The following TRIP11 variants were observed in gnomAD, a reference collection of about 807,000 sequenced individuals.
The protein encoded by TRIP11 is thyroid hormone receptor interactor 11.
TRIP11 carries 148 observed loss-of-function variants against 223.1 expected under a neutral mutation model. The observed-to-expected ratio is 0.66, with a 90% CI of 0.58 to 0.76. The LOEUF (loss-of-function observed/expected upper bound fraction) is 0.76. Ranked by LOEUF, TRIP11 falls within the 30% of genes least tolerant of loss-of-function variation. TRIP11 has a pLI of 0.00. For missense variants in TRIP11, 2,043 were observed against 2,222.0 expected (o/e 0.92, Z 1.62); for synonymous variants, 762 against 772.6 (o/e 0.99, Z 0.23).
At chr14:91,979,083 C>G (rs1396497133) in intron 16 of TRIP11, among the ~76,000 whole-genome samples, 1 of 151,910 alleles carries the variant, frequency 6.6e-6, no homozygotes, top group African/African-American at 2.4e-5. Context: ...ATAGCAGAAC[C>G]CTGTCTCTAC....
rs148055961 is a variant in TRIP11 at position 92,034,954 on chromosome 14, T to C, written c.140-1701A>G. On this transcript the variant is annotated intron_variant, in intron 1 of 20. Coordinates refer to ENST00000267622, the MANE Select transcript of TRIP11 (RefSeq NM_004239.4). ...TGGCCCTTGGTTTTGTACATTTTCA[T>C]TTAAAAGTAGAGTGAGAGCCCAGCA... Among the ~76,000 whole-genome samples, 4 of 152,082 alleles carry C rather than the reference T, an allele frequency of 2.6e-5. No homozygotes were observed. In the East Asian group the frequency reaches 7.8e-4, roughly 30 times the overall value.
Position 92,039,697 on chromosome 14 carries a change from T to C in TRIP11, c.-12A>G, listed in dbSNP as rs1360425512. On this transcript the variant is annotated 5_prime_UTR_variant, in exon 1 of 21. Coordinates refer to ENST00000267622, the MANE Select transcript of TRIP11 (RefSeq NM_004239.4). Reference sequence around the variant, plus strand: ...AGCCAGGACGACATCGCGGCGAGTTTAGAGAACGACCCGGTCCGCTCGGAA... The same window carrying C: ...AGCCAGGACGACATCGCGGCGAGTTCAGAGAACGACCCGGTCCGCTCGGAA... 2 of 1,610,334 alleles carry C rather than the reference T, an allele frequency of 1.2e-6. No homozygotes were observed. The highest frequency in any genetic ancestry group is 1.7e-6 in the Non-Finnish European group (2 of 1,178,430).
intron 13 of TRIP11, among the ~76,000 whole-genome samples, chr14:91,997,107 A>T (rs145926241): frequency 0.014 from 2,137 of 152,216 alleles, 66 homozygotes; most frequent in Admixed American, 0.071. Context: ...TCAGCTCCCA[A>T]ATATCTCTGG....
Position 91,968,047 on chromosome 14 carries a change from G to C in TRIP11, c.*1626C>G, listed in dbSNP as rs1280010137. Reference sequence around the variant, plus strand: ...GTTACTTCATTTTTCAGAAAAACAAGTTTCACCCATCAACATGGAATTAAG... The same window carrying C: ...GTTACTTCATTTTTCAGAAAAACAACTTTCACCCATCAACATGGAATTAAG... On this transcript the variant is annotated 3_prime_UTR_variant, in exon 21 of 21. Transcript: ENST00000267622. The C allele has an allele frequency of 2.5e-5, 5 of 201,058 alleles. No individual in the cohort carries two copies. The highest frequency in any genetic ancestry group is 9.2e-5 in the African/African-American group (4 of 43,522). The allele number at this position is 201,058 out of a possible 1,614,324, so 12.5% of individuals were successfully genotyped here.
chr14:92,006,555 C>A (rs1005413578), intron 10 of TRIP11, 107 bp from the exon 11 acceptor site: 3 of 1,180,774 alleles, frequency 2.5e-6, no homozygotes, highest in Non-Finnish European at 3.6e-6. Context: ...TCAAATATTT[C>A]TAATCCTTCT....
At chr14:92,025,812 G>A (rs764000285) in intron 2 of TRIP11, among the ~76,000 whole-genome samples, 5 of 151,658 alleles carry the variant, frequency 3.3e-5, no homozygotes, top group South Asian at 2.1e-4. Context: ...CCCGGGAGGC[G>A]GAGGTTGCAG....
Position 92,021,578 on chromosome 14 carries a change from C to T in TRIP11, c.566G>A (p.Gly189Asp). ...NEVSRLESEV[G>D]HWRHIAQTSK... is the part of the protein sequence containing the mutation. ...TACCTGAGCAATATGCCTCCAATGG[C>T]CAACTTCAGACTCAAGTCTTGAAAC... The change falls in exon 4 of 21, where the codon GGC (glycine) becomes GAC (aspartate). Residue 189 changes from glycine to aspartate, a missense_variant. By Grantham distance (94) the Gly-to-Asp change is moderately conservative. Transcript: ENST00000267622. 1 of 1,614,108 alleles carries T rather than the reference C, an allele frequency of 6.2e-7. No individual in the cohort carries two copies. The highest frequency in any genetic ancestry group is 1.3e-5 in the African/African-American group (1 of 75,028).
At chr14:92,024,230 T>A (rs2057150820) in intron 3 of TRIP11, among the ~76,000 whole-genome samples, 1 of 151,920 alleles carries the variant, frequency 6.6e-6, no homozygotes, top group South Asian at 2.1e-4. Flanking sequence ...ATTCAAAAAT[T>A]AGCCAGGCGT....
At chr14:91,992,640 C>G (rs1199731391) in intron 15 of TRIP11, among the ~76,000 whole-genome samples, 1 of 151,818 alleles carries the variant, frequency 6.6e-6, no homozygotes, top group African/African-American at 2.4e-5. Context: ...TCTCCTAGGC[C>G]GGGCATGGTG....
rs1376972619 is a variant in TRIP11 at position 91,978,051 on chromosome 14, G to A, written c.5261-1862C>T. Reference sequence around the variant, plus strand: ...GACGAGAGAGGGAGAGAGAGAAGGGGAGAGAGAGGGCGAAAAGGTGGGGGT... The same window carrying A: ...GACGAGAGAGGGAGAGAGAGAAGGGAAGAGAGAGGGCGAAAAGGTGGGGGT... On this transcript the variant is annotated intron_variant, in intron 16 of 20. Coordinates refer to ENST00000267622, the MANE Select transcript of TRIP11 (RefSeq NM_004239.4). The surrounding 1 kb of genome is among the most constrained non-coding windows in gnomAD (Gnocchi z 4.4). Among the ~76,000 whole-genome samples the A allele has an allele frequency of 1.3e-5, 2 of 152,050 alleles. No homozygotes were observed. The highest frequency in any genetic ancestry group is 4.8e-5 in the African/African-American group (2 of 41,404).
chr14:92,028,724 A>T (rs1299295141), intron 2 of TRIP11, among the ~76,000 whole-genome samples: 1 of 152,178 alleles, frequency 6.6e-6, no homozygotes, highest in Admixed American at 6.5e-5. Context: ...AAAGAAGAAA[A>T]GAGAGTACAA....
intron 7 of TRIP11, among the ~76,000 whole-genome samples, chr14:92,013,737 T>C (rs1330332340): frequency 1.3e-5 from 2 of 152,226 alleles, no homozygotes; most frequent in South Asian, 2.1e-4. Context: ...TTTTAAAACG[T>C]AAGTACAATT....
chr14:92,029,530 A>G (rs1355271928), intron 2 of TRIP11, among the ~76,000 whole-genome samples: 1 of 151,968 alleles, frequency 6.6e-6, no homozygotes, highest in Non-Finnish European at 1.5e-5. Flanking sequence ...TCCTGACCTC[A>G]TGATCCGCCC....
At position 91,971,285 on chromosome 14, in the gene TRIP11, A is replaced by G. The variant is rs537410350; in HGVS notation, c.5720-1392T>C. On this transcript the variant is annotated intron_variant, in intron 20 of 20. Coordinates refer to ENST00000267622, the MANE Select transcript of TRIP11 (RefSeq NM_004239.4). ...TTGTCAAATCTGCTTATCATTGAGC[A>G]CTCTTAGGGTTCCCAAGCCGTACTT... is the stretch of plus-strand genomic sequence containing the variant. Among the ~76,000 whole-genome samples the G allele has an allele frequency of 3.3e-5, 5 of 152,198 alleles. No individual in the cohort carries two copies. In the East Asian group the frequency reaches 9.7e-4, roughly 29 times the overall value.
intron 13 of TRIP11, among the ~76,000 whole-genome samples, chr14:91,996,068 C>T (rs2140106564): frequency 6.6e-6 from 1 of 152,302 alleles, no homozygotes; most frequent in South Asian, 2.1e-4. Flanking sequence ...AGTACATTCA[C>T]ACTGTTGTAC....
intron 3 of TRIP11, among the ~76,000 whole-genome samples, chr14:92,023,789 T>C (rs1354365166): frequency 6.6e-6 from 1 of 152,174 alleles, no homozygotes; most frequent in Non-Finnish European, 1.5e-5. Context: ...CCAGAGCAAG[T>C]ATAGCAATGT....
chr14:92,036,056 C>G (rs899723467), intron 1 of TRIP11, among the ~76,000 whole-genome samples: 1 of 152,116 alleles, frequency 6.6e-6, no homozygotes, highest in African/African-American at 2.4e-5. Context: ...AGAAAATCAC[C>G]AGGTAGGGTT....
chr14:91,970,477 C>T (rs993744949), intron 20 of TRIP11, among the ~76,000 whole-genome samples: 1 of 151,694 alleles, frequency 6.6e-6, no homozygotes, highest in African/African-American at 2.4e-5. Flanking sequence ...TTCCTAAACA[C>T]AAATACTAAT....
intron 2 of TRIP11, chr14:92,026,759 G>A: frequency 1.8e-6 from 2 of 1,129,918 alleles, no homozygotes; most frequent in South Asian, 2.5e-5. Flanking sequence ...GAAGAAGAAG[G>A]TGAGGGTGAG....
Sources: allele counts gnomAD v4.1 joint callset (sites outside exome capture counted in the v4.1 genomes callset), GRCh38; gene constraint gnomAD v4.1.1; non-coding constraint Gnocchi (gnomAD v3.1); transcripts MANE v1.5; gene names NCBI Gene and HGNC (gene_info 2026-07-23, HGNC 2026-07-21).